The following PCED1B variants were observed in gnomAD, a reference collection of about 807,000 sequenced individuals.
The protein encoded by PCED1B is PC-esterase domain-containing protein 1B.
For synonymous variants in PCED1B, 251 were observed against 246.1 expected (o/e 1.02, Z -0.19); for missense variants, 573 against 573.9 (o/e 1.00, Z 0.02).
intron 3 of PCED1B, among the ~76,000 whole-genome samples, chr12:47,228,355 T>C (rs1340941449): frequency 1.3e-5 from 2 of 152,216 alleles, no homozygotes; most frequent in East Asian, 3.9e-4. Flanking sequence ...AAGGTCTTTA[T>C]GTGTTTTTAT....
intron 1 of PCED1B, among the ~76,000 whole-genome samples, chr12:47,103,629 G>T (rs1044077090): frequency 5.3e-5 from 8 of 152,004 alleles, no homozygotes; most frequent in African/African-American, 1.9e-4. Flanking sequence ...TGTTCTTGAG[G>T]TTGTGACTAA....
intron 2 of PCED1B, among the ~76,000 whole-genome samples, chr12:47,191,798 T>C (rs1942447432): frequency 6.9e-6 from 1 of 145,586 alleles, no homozygotes; most frequent in Non-Finnish European, 1.6e-5. Context: ...TTTTTTGTTT[T>C]GTTGTGTTGT....
intron 1 of PCED1B, among the ~76,000 whole-genome samples, chr12:47,091,471 A>G (rs1434460765): frequency 6.6e-6 from 1 of 152,108 alleles, no homozygotes; most frequent in East Asian, 1.9e-4. Flanking sequence ...AAATTAATAT[A>G]TGTTAATATT....
chr12:47,122,275 G>A (rs1461653991), intron 2 of PCED1B, among the ~76,000 whole-genome samples: 2 of 151,536 alleles, frequency 1.3e-5, no homozygotes, highest in Non-Finnish European at 2.9e-5. Flanking sequence ...CCTTTTTTAA[G>A]CACCACAGCA....
intron 2 of PCED1B, among the ~76,000 whole-genome samples, chr12:47,119,457 A>G (rs979621509): frequency 7.9e-5 from 12 of 151,228 alleles, no homozygotes; most frequent in African/African-American, 2.9e-4. Flanking sequence ...TATTGGGATT[A>G]TAGGGAGATG....
chr12:47,108,753 A>C (rs887298877), intron 2 of PCED1B, among the ~76,000 whole-genome samples: 1 of 152,168 alleles, frequency 6.6e-6, no homozygotes, highest in African/African-American at 2.4e-5. Context: ...TTTAAACTTC[A>C]TGCCTCTGAT....
intron 3 of PCED1B, among the ~76,000 whole-genome samples, chr12:47,225,518 T>G (rs1306102046): frequency 6.6e-6 from 1 of 152,230 alleles, no homozygotes; most frequent in Non-Finnish European, 1.5e-5. Flanking sequence ...ATATAATTTT[T>G]GGCAAGTTTA....
intron 2 of PCED1B, among the ~76,000 whole-genome samples, chr12:47,193,878 T>G (rs1942521399): frequency 6.6e-6 from 1 of 152,246 alleles, no homozygotes; most frequent in Non-Finnish European, 1.5e-5. Flanking sequence ...TGCAGATTGT[T>G]GTTATTTTAA....
intron 2 of PCED1B, among the ~76,000 whole-genome samples, chr12:47,105,521 G>A (rs759720054): frequency 2.0e-5 from 3 of 152,142 alleles, no homozygotes; most frequent in Non-Finnish European, 2.9e-5. Flanking sequence ...GGGCTTGATG[G>A]GAGGAAAATT....
chr12:47,177,616 G>A (rs953411400), intron 2 of PCED1B, among the ~76,000 whole-genome samples: 4 of 152,046 alleles, frequency 2.6e-5, no homozygotes, highest in South Asian at 4.1e-4. Context: ...GTGGTGGGGT[G>A]GGGGGTGGCA....
At chr12:47,104,747 A>G (rs1001940163) in intron 2 of PCED1B, among the ~76,000 whole-genome samples, 2 of 152,196 alleles carry the variant, frequency 1.3e-5, no homozygotes, top group African/African-American at 4.8e-5. Flanking sequence ...GGTAGAAGGT[A>G]GAGAGCCACA....
intron 2 of PCED1B, among the ~76,000 whole-genome samples, chr12:47,176,916 A>G (rs1941943559): frequency 6.6e-6 from 1 of 152,246 alleles, no homozygotes; most frequent in Admixed American, 6.5e-5. Flanking sequence ...AGAGTACGAT[A>G]GGAAGAAAAA....
intron 3 of PCED1B, among the ~76,000 whole-genome samples, chr12:47,226,564 G>A (rs1246140714): frequency 2.0e-5 from 3 of 152,070 alleles, no homozygotes; most frequent in African/African-American, 4.8e-5. Flanking sequence ...TGGTAGACAC[G>A]GGGTTTCAAC....
At chr12:47,083,948 T>C (rs1321074311) in intron 1 of PCED1B, among the ~76,000 whole-genome samples, 1 of 152,126 alleles carries the variant, frequency 6.6e-6, no homozygotes, top group Non-Finnish European at 1.5e-5. Context: ...AAAATCCACA[T>C]GACATAAAAT....
chr12:47,090,930 A>G (rs1236963808), intron 1 of PCED1B, among the ~76,000 whole-genome samples: 1 of 152,106 alleles, frequency 6.6e-6, no homozygotes, highest in Non-Finnish European at 1.5e-5. Flanking sequence ...CCAACCATCC[A>G]ACAAATGGTT....
intron 2 of PCED1B, among the ~76,000 whole-genome samples, chr12:47,131,673 CTTT>C (rs760678015): frequency 7.8e-6 from 1 of 127,968 alleles, no homozygotes; most frequent in Non-Finnish European, 1.6e-5. Context: ...TGTTTTACTT[CTTT>C]TTTTTTTTTT....
At chr12:47,175,498 A>G (rs1330360054) in intron 2 of PCED1B, among the ~76,000 whole-genome samples, 1 of 152,214 alleles carries the variant, frequency 6.6e-6, no homozygotes, top group Middle Eastern at 3.2e-3. Flanking sequence ...AGAAATTTCT[A>G]GTATACAGAA....
chr12:47,127,029 T>C (rs899394748), intron 2 of PCED1B, among the ~76,000 whole-genome samples: 1 of 152,198 alleles, frequency 6.6e-6, no homozygotes, highest in Admixed American at 6.5e-5. Context: ...CTTTATTATT[T>C]CATTTCTTCT....
At chr12:47,122,827 A>G (rs1365493679) in intron 2 of PCED1B, among the ~76,000 whole-genome samples, 1 of 152,216 alleles carries the variant, frequency 6.6e-6, no homozygotes, top group Non-Finnish European at 1.5e-5. Flanking sequence ...TTCAATGATT[A>G]GATTTATTAA....
Sources: gnomAD v4.1 joint callset for allele counts (sites outside exome capture counted in the v4.1 genomes callset) on GRCh38, gnomAD v4.1.1 for gene constraint, MANE v1.5 for transcripts, NCBI Gene and HGNC (gene_info 2026-07-23, HGNC 2026-07-21) for gene names.